NCOR2: variants seen among roughly 807,000 people sequenced by gnomAD.
NCOR2 encodes CTG repeat protein 26.
NCOR2 carries 81 observed loss-of-function variants against 262.9 expected under a neutral mutation model. The ratio of observed to expected loss-of-function variants is 0.31; its 90% CI spans 0.26 to 0.37. The LOEUF (loss-of-function observed/expected upper bound fraction) is 0.37. Among genes scored for constraint, NCOR2 ranks in the 10% least tolerant of loss-of-function variants. NCOR2 has a pLI of 1.00. For synonymous variants in NCOR2, 1,659 were observed against 1,559.3 expected (o/e 1.06, Z -1.51); for missense variants, 3,385 against 3,621.4 (o/e 0.93, Z 1.68).
chr12:124,564,405 G>A (rs1350811186), intron 1 of NCOR2, among the ~76,000 whole-genome samples: 1 of 152,196 alleles, frequency 6.6e-6, no homozygotes, highest in Non-Finnish European at 1.5e-5. Context: ...CCCACCGGCA[G>A]TTCCCCAGTC....
chr12:124,495,302 T>C (rs906321796), upstream of NCOR2: 1 of 1,569,350 alleles, frequency 6.4e-7, no homozygotes, highest in Non-Finnish European at 8.6e-7. This position sits in a 1 kb window ranked among gnomAD's most constrained non-coding sequence, Gnocchi z 4.4. Flanking sequence ...AAGCTTTCTC[T>C]TAATCACCAC....
At chr12:124,335,329 T>G in intron 39 of NCOR2, 49 bp from the exon 42 acceptor site, 1 of 1,518,772 alleles carries the variant, frequency 6.6e-7, no homozygotes, top group African/African-American at 1.4e-5. Context: ...GCCCCAGGGC[T>G]GCTGGGCCCA....
At chr12:124,466,130 T>C (rs779875371) in intron 5 of NCOR2, 43 bp downstream of exon 7, 5 of 1,557,146 alleles carry the variant, frequency 3.2e-6, no homozygotes, top group Non-Finnish European at 4.4e-6. Flanking sequence ...AAGCGCCTCA[T>C]GGCCAGCACC....
rs1209541039 is a variant in NCOR2 at position 124,344,979 on chromosome 12, C to T, written c.4360-28G>A. 2.7e-6 allele frequency: 4 copies of T among 1,498,846 alleles called. No individual in the cohort carries two copies. The South Asian group carries it at 5.1e-5, about 19-fold the overall frequency. The allele number at this position is 1,498,846 out of a possible 1,614,324, so 92.8% of individuals were successfully genotyped here. Reference sequence around the variant, plus strand: ...GGGGCAGAGGGGATGTAAGCTCTAGCCCTGGCCACAGCCATAGCCCAGACC... The same window carrying T: ...GGGGCAGAGGGGATGTAAGCTCTAGTCCTGGCCACAGCCATAGCCCAGACC... On this transcript the variant is annotated intron_variant, in intron 31 of 46. Coordinates refer to ENST00000405201, the Ensembl canonical transcript of NCOR2.
At position 124,327,365 on chromosome 12, in the gene NCOR2, G is replaced by A. The variant is rs371176188; in HGVS notation, c.7183+44C>T. ...CGGAGGAGCGAGGATTAATCACACC[G>A]GGGGTGGGGACAGACGGGGGCGGGG... is the stretch of plus-strand genomic sequence containing the variant. On this transcript the variant is annotated intron_variant, in intron 45 of 46. Coordinates refer to ENST00000405201, the Ensembl canonical transcript of NCOR2. The A allele has an allele frequency of 8.1e-5, 117 of 1,447,128 alleles. No homozygotes were observed. In the African/African-American group the frequency reaches 8.7e-4, roughly 11 times the overall value. 89.6% of individuals were successfully genotyped at this position (1,447,128 alleles called of 1,614,324 possible).
chr12:124,417,110 A>ACAGTCACTCCATGGAGAGCAGGCCGGC lies in NCOR2; in HGVS notation c.1482+2846_1482+2847insGCCGGCCTGCTCTCCATGGAGTGACTG, dbSNP rs1565923875. Among the ~76,000 whole-genome samples, 124 of 151,024 alleles carry ACAGTCACTCCATGGAGAGCAGGCCGGC rather than the reference A, an allele frequency of 8.2e-4. 7 individuals are homozygous for ACAGTCACTCCATGGAGAGCAGGCCGGC. Among genetic ancestry groups the ACAGTCACTCCATGGAGAGCAGGCCGGC allele is most frequent in the Non-Finnish European group, 1.4e-3 (97 of 67,770 alleles). On this transcript the variant is annotated intron_variant, in intron 13 of 46. Coordinates refer to ENST00000405201, the Ensembl canonical transcript of NCOR2. ...AGTCACTCCACGGAGAGCAGGCCGG[A>ACAGTCACTCCATGGAGAGCAGGCCGGC]CAGTCACTCCACGGAGAGCAGACCA...
Position 124,469,347 on chromosome 12 carries a change from C to T in NCOR2, c.592-3061G>A, listed in dbSNP as rs146821387. ...TGGCTTTTACAGACTCCATCGCTGG[C>T]GGTTTGAGCAGAACTGCCTCAGTCC... On this transcript the variant is annotated intron_variant, in intron 4 of 46. Coordinates refer to ENST00000405201, the Ensembl canonical transcript of NCOR2. Among the ~76,000 whole-genome samples, 48 of 152,266 alleles carry T rather than the reference C, an allele frequency of 3.2e-4. No individual in the cohort carries two copies. In the East Asian group the frequency reaches 8.7e-3, roughly 28 times the overall value.
rs1172000807 is a variant in NCOR2 at position 124,454,348 on chromosome 12, C to T, written c.762+2758G>A. On this transcript the variant is annotated intron_variant, in intron 6 of 46. Coordinates refer to ENST00000405201, the Ensembl canonical transcript of NCOR2. This position sits in a 1 kb window ranked among gnomAD's most constrained non-coding sequence, Gnocchi z 5.6. ...AGATCTTAGCCTCCTGTGCCATCAGCCTTGTGGAAGCCTCTGCTCTGAGAT... is the reference window on the plus strand; with the variant it reads ...AGATCTTAGCCTCCTGTGCCATCAGTCTTGTGGAAGCCTCTGCTCTGAGAT... 7.2e-5 allele frequency among the ~76,000 whole-genome samples: 11 copies of T among 152,310 alleles called. No individual in the cohort carries two copies. Among genetic ancestry groups the T allele is most frequent in the Middle Eastern group, 3.4e-3 (1 of 294 alleles).
At chr12:124,455,028 C>T (rs2045763372) in intron 6 of NCOR2, among the ~76,000 whole-genome samples, 1 of 152,130 alleles carries the variant, frequency 6.6e-6, no homozygotes, top group African/African-American at 2.4e-5. Context: ...AAACATGATG[C>T]TGAGTGAGAG....
At chr12:124,559,064 C>T (rs1354189362) in intron 1 of NCOR2, among the ~76,000 whole-genome samples, 1 of 152,204 alleles carries the variant, frequency 6.6e-6, no homozygotes, top group Non-Finnish European at 1.5e-5. Flanking sequence ...AGGAGCCACC[C>T]GGCCTGCAGG....
rs751066641 is a variant in NCOR2 at position 124,327,637 on chromosome 12, G to GGAGA, written c.6959-8_6959-5dup. ...TGGCTTCTATAGGTCATAAGGCCTGGGAGAGAGAGACAGACAGACAGACAG... is the reference window on the plus strand; with the variant it reads ...TGGCTTCTATAGGTCATAAGGCCTGGGAGAGAGAGAGAGACAGACAGACAGACAG... On this transcript the variant is annotated splice_region_variant and splice_polypyrimidine_tract_variant and intron_variant, in intron 44 of 46. Transcript: ENST00000405201. 3.1e-6 allele frequency: 5 copies of GGAGA among 1,603,658 alleles called. No homozygotes were observed. Among genetic ancestry groups the GGAGA allele is most frequent in the Non-Finnish European group, 4.2e-6 (5 of 1,178,682 alleles).
intron 13 of NCOR2, among the ~76,000 whole-genome samples, chr12:124,416,616 C>G (rs973132720): frequency 6.8e-6 from 1 of 146,770 alleles, no homozygotes; most frequent in African/African-American, 2.6e-5. Flanking sequence ...CCCCGCGGCA[C>G]AGGGAGTCCC....
At chr12:124,420,563 C>T (rs1257567607) in intron 12 of NCOR2, among the ~76,000 whole-genome samples, 10 of 152,176 alleles carry the variant, frequency 6.6e-5, no homozygotes, top group East Asian at 1.9e-4. Flanking sequence ...GACCGCCCCA[C>T]GCCCCACGCC....
chr12:124,346,372 C>G (rs1462712987), intron 31 of NCOR2, among the ~76,000 whole-genome samples, 192 bp downstream of exon 33: 1 of 152,170 alleles, frequency 6.6e-6, no homozygotes, highest in Non-Finnish European at 1.5e-5. Flanking sequence ...AGAATCAGGT[C>G]AGGAGCCTGG....
At chr12:124,392,123 C>T (rs941032692) in intron 16 of NCOR2, among the ~76,000 whole-genome samples, 2 of 152,216 alleles carry the variant, frequency 1.3e-5, no homozygotes, top group African/African-American at 2.4e-5. Flanking sequence ...TCATTACTAC[C>T]GCATCGACCG....
intron 1 of NCOR2, among the ~76,000 whole-genome samples, chr12:124,508,205 G>C (rs1200804539): frequency 1.3e-5 from 2 of 152,262 alleles, no homozygotes; most frequent in African/African-American, 4.8e-5. Context: ...TGGGCTCCCA[G>C]GCTAAACGGG....
chr12:124,457,236 G>A lies in NCOR2; in HGVS notation c.706-74C>T, dbSNP rs1593628220. 1.2e-5 allele frequency: 17 copies of A among 1,441,022 alleles called. No homozygotes were observed. Among genetic ancestry groups the A allele is most frequent in the South Asian group, 7.0e-5 (5 of 71,752 alleles). The allele number at this position is 1,441,022 out of a possible 1,614,324, so 89.3% of individuals were successfully genotyped here. A position where few individuals can be genotyped will look rare whatever the true frequency, so the allele number is the denominator to read the frequency against. Reference sequence around the variant, plus strand: ...CACAGATTATAAATAGAGGCTTCCCGGAGCAGCGGGCACCTGCCCAGCCCA... The same window carrying A: ...CACAGATTATAAATAGAGGCTTCCCAGAGCAGCGGGCACCTGCCCAGCCCA... On this transcript the variant is annotated intron_variant, in intron 5 of 46. Coordinates refer to ENST00000405201, the Ensembl canonical transcript of NCOR2. The surrounding 1 kb of genome is among the most constrained non-coding windows in gnomAD (Gnocchi z 4.0).
intron 20 of NCOR2, among the ~76,000 whole-genome samples, chr12:124,368,849 C>T (rs2039247425): frequency 6.6e-6 from 1 of 152,274 alleles, no homozygotes; most frequent in Non-Finnish European, 1.5e-5. Context: ...AGGGCCTTGT[C>T]TGTGCAGTTT....
At position 124,492,742 on chromosome 12, in the gene NCOR2, C is replaced by T. The variant is rs76616733; in HGVS notation, c.105+2405G>A. Among the ~76,000 whole-genome samples, 945 of 152,262 alleles carry T rather than the reference C, an allele frequency of 6.2e-3. 11 individuals are homozygous for T. Among genetic ancestry groups the T allele is most frequent in the African/African-American group, 0.022 (912 of 41,552 alleles). On this transcript the variant is annotated intron_variant, in intron 1 of 46. Transcript: ENST00000405201. ...CAGGAAGGGTTTGAGGGCTGAGGGGCTTCCAGGGAGGGGCCTCCAGATCAC... is the reference window on the plus strand; with the variant it reads ...CAGGAAGGGTTTGAGGGCTGAGGGGTTTCCAGGGAGGGGCCTCCAGATCAC...
Sources: gnomAD v4.1 joint callset for allele counts (sites outside exome capture counted in the v4.1 genomes callset) on GRCh38, gnomAD v4.1.1 for gene constraint, Gnocchi (gnomAD v3.1) non-coding constraint, MANE v1.5 for transcripts, NCBI Gene and HGNC (gene_info 2026-07-23, HGNC 2026-07-21) for gene names.